Variants in KLHL8 observed in about 807,000 individuals in gnomAD.
KLHL8 encodes kelch-like protein 8.
In KLHL8, 38 loss-of-function variants were observed where a neutral mutation model predicts 63.5. The observed-to-expected ratio is 0.60, with a 90% CI of 0.46 to 0.78. The LOEUF (loss-of-function observed/expected upper bound fraction) is 0.78, where lower values mean the gene tolerates loss of function less well. Among genes scored for constraint, KLHL8 ranks in the 30% least tolerant of loss-of-function variants. The pLI, the probability that KLHL8 is intolerant of heterozygous loss-of-function variation, is 0.00. For missense variants in KLHL8, 566 were observed against 752.4 expected, an observed-to-expected ratio of 0.75 and a Z score of 2.90; for synonymous variants, 224 against 254.3, an observed-to-expected ratio of 0.88 and a Z score of 1.13.
chr4:87,174,833 T>C (rs562611536), intron 6 of KLHL8, among the ~76,000 whole-genome samples: 1 of 152,322 alleles, frequency 6.6e-6, no homozygotes, highest in Non-Finnish European at 1.5e-5. Flanking sequence ...TTTCTGACAA[T>C]ACAATTCCAA....
chr4:87,175,442 GATTTCCCACC>G lies in KLHL8; in HGVS notation c.1208+1305_1208+1314del, dbSNP rs1465752038. Among the ~76,000 whole-genome samples the G allele has an allele frequency of 2.0e-5, 3 of 152,078 alleles. No homozygotes were observed. In the East Asian group the frequency reaches 5.8e-4, roughly 29 times the overall value. Reference sequence around the variant, plus strand: ...CTCCATATGAAACAATCAAAAACCTGATTTCCCACCATGTTATGTTGTACTCGTGGGATTG... The same window carrying G: ...CTCCATATGAAACAATCAAAAACCTGATGTTATGTTGTACTCGTGGGATTG... On this transcript the variant is annotated intron_variant, in intron 6 of 9. Transcript: ENST00000273963.
intron 1 of KLHL8, chr4:87,207,361 G>A: frequency 1.5e-6 from 1 of 652,044 alleles, no homozygotes. Context: ...TGCTGACGCT[G>A]AGTACGTTGT....
chr4:87,179,538 G>T (rs1730966031), intron 4 of KLHL8, among the ~76,000 whole-genome samples: 1 of 152,182 alleles, frequency 6.6e-6, no homozygotes, highest in Non-Finnish European at 1.5e-5. Context: ...ATTTTGGGAG[G>T]CTGAGGCAGG....
rs1730183498 is a variant in KLHL8 at position 87,161,708 on chromosome 4, T to G, written c.*1811A>C. 1 of 152,230 alleles carries G rather than the reference T, an allele frequency of 6.6e-6. No individual in the cohort carries two copies. The highest frequency in any genetic ancestry group is 2.4e-5 in the African/African-American group (1 of 41,460). The allele number at this position is 152,230 out of a possible 1,614,324, so 9.4% of individuals were successfully genotyped here. On this transcript the variant is annotated 3_prime_UTR_variant, in exon 10 of 10. Coordinates refer to ENST00000273963, the MANE Select transcript of KLHL8 (RefSeq NM_020803.5). Reference sequence around the variant, plus strand: ...ATTGAAGCCAGGTTTTGACACTTATTCTCCACATCCAGCCAGTTGTCACCA... The same window carrying G: ...ATTGAAGCCAGGTTTTGACACTTATGCTCCACATCCAGCCAGTTGTCACCA...
chr4:87,185,824 T>G (rs781321642), intron 2 of KLHL8, 25 bp from the exon 3 acceptor site: 28 of 1,526,604 alleles, frequency 1.8e-5, no homozygotes, highest in Middle Eastern at 3.5e-4. Context: ...CCAAGAAAGA[T>G]TCTGTTTAAT....
intron 1 of KLHL8, among the ~76,000 whole-genome samples, chr4:87,231,016 TTC>T (rs1223971511): frequency 6.6e-6 from 1 of 152,194 alleles, no homozygotes; most frequent in Admixed American, 6.5e-5. Context: ...TGGGGGATTT[TTC>T]TCTCTGTCTG....
At chr4:87,170,351 A>C (rs920999844) in intron 7 of KLHL8, 96 bp downstream of exon 7, 2 of 1,425,846 alleles carry the variant, frequency 1.4e-6, no homozygotes, top group Admixed American at 2.1e-5. Context: ...ATGATATATA[A>C]TATCTTCATA....
chr4:87,187,303 C>T (rs1396692822), intron 2 of KLHL8, among the ~76,000 whole-genome samples: 1 of 152,048 alleles, frequency 6.6e-6, no homozygotes, highest in Non-Finnish European at 1.5e-5. Context: ...TCATGCAATC[C>T]TCCCGCCTCG....
intron 1 of KLHL8, among the ~76,000 whole-genome samples, chr4:87,206,327 T>G (rs1290960752): frequency 6.6e-6 from 1 of 152,212 alleles, no homozygotes; most frequent in African/African-American, 2.4e-5. Flanking sequence ...TAACTCAAAC[T>G]GTCCTTTCCA....
chr4:87,182,188 G>A (rs1421082988), intron 4 of KLHL8, among the ~76,000 whole-genome samples: 1 of 139,496 alleles, frequency 7.2e-6, no homozygotes, highest in Non-Finnish European at 1.5e-5. Flanking sequence ...AGCCGAGATC[G>A]CGCCACTGCA....
intron 6 of KLHL8, among the ~76,000 whole-genome samples, chr4:87,171,710 C>T (rs963510861): frequency 7.2e-5 from 11 of 152,298 alleles, no homozygotes; most frequent in Non-Finnish European, 1.5e-4. Flanking sequence ...CCTCAAAACT[C>T]TCTTGGTTTT....
intron 8 of KLHL8, among the ~76,000 whole-genome samples, chr4:87,164,829 T>C (rs1298677611): frequency 1.3e-5 from 2 of 152,118 alleles, no homozygotes; most frequent in East Asian, 3.9e-4. Context: ...ATAGAAAGTA[T>C]TGATATTATG....
chr4:87,221,535 G>T (rs765390041), upstream of KLHL8: 1 of 151,326 alleles, frequency 6.6e-6, no homozygotes, highest in Admixed American at 6.6e-5. Context: ...TTTAAAGAAA[G>T]ATATTCCCCT....
At chr4:87,188,906 ATTCT>A (rs1313802276) in intron 2 of KLHL8, among the ~76,000 whole-genome samples, 2 of 152,356 alleles carry the variant, frequency 1.3e-5, no homozygotes, top group Non-Finnish European at 2.9e-5. Context: ...TCTAATTTAC[ATTCT>A]TTCTTTGTTA....
intron 2 of KLHL8, among the ~76,000 whole-genome samples, chr4:87,193,257 T>C (rs1477462683): frequency 6.6e-6 from 1 of 152,176 alleles, no homozygotes; most frequent in African/African-American, 2.4e-5. Context: ...TAAAATTTTT[T>C]TCTTTTACTT....
At chr4:87,202,332 C>A (rs1442665399) in intron 1 of KLHL8, among the ~76,000 whole-genome samples, 2 of 152,070 alleles carry the variant, frequency 1.3e-5, no homozygotes, top group East Asian at 1.9e-4. Flanking sequence ...GTTGGCCAGG[C>A]TGGTCTCAAA....
chr4:87,174,283 G>A (rs1473996093), intron 6 of KLHL8, among the ~76,000 whole-genome samples: 1 of 146,376 alleles, frequency 6.8e-6, no homozygotes, highest in Non-Finnish European at 1.5e-5. Context: ...TCACCTGCAA[G>A]TTTTTTTTTT....
In KLHL8 at chr4:87,185,322, T is replaced by C. The variant is rs766203299; in HGVS notation, c.694A>G (p.Asn232Asp). 1.6e-5 allele frequency: 26 copies of C among 1,614,052 alleles called. No individual in the cohort carries two copies. The South Asian group carries it at 2.9e-4, about 18-fold the overall frequency. Reference sequence around the variant, plus strand: ...GCAAGAAGCCACTTGATGGCAGCATTATAGACCTGCTTTTCATTTTCAATA... The same window carrying C: ...GCAAGAAGCCACTTGATGGCAGCATCATAGACCTGCTTTTCATTTTCAATA... ...LNIENEKQVYNAAIKWLLANP... is the reference protein window; with the variant it reads ...LNIENEKQVYDAAIKWLLANP... The change falls in exon 3 of 10, where the codon AAT becomes GAT. Residue 232 changes from asparagine (N) to aspartate (D), a missense_variant. Coordinates refer to ENST00000273963, the MANE Select transcript of KLHL8 (RefSeq NM_020803.5).
chr4:87,220,315 G>C (rs1254219677), intron 1 of KLHL8, 103 bp downstream of exon 1: 1 of 152,778 alleles, frequency 6.5e-6, no homozygotes, highest in Non-Finnish European at 1.5e-5. Flanking sequence ...GCGACTTGGG[G>C]GCTGGGGTGA....
Sources: allele counts gnomAD v4.1 joint callset (sites outside exome capture counted in the v4.1 genomes callset), GRCh38; gene constraint gnomAD v4.1.1; transcripts MANE v1.5; gene names NCBI Gene and HGNC (gene_info 2026-07-23, HGNC 2026-07-21).